The following RIT2 variants were observed in gnomAD, a reference collection of about 807,000 sequenced individuals.
RIT2 encodes the protein Ras like without CAAX 2, also known as GTP-binding protein Rit2.
In RIT2, 24 loss-of-function variants were observed where a neutral mutation model predicts 23.7. That is an observed-to-expected ratio of 1.01 (90% CI 0.73 to 1.43). The LOEUF (loss-of-function observed/expected upper bound fraction) is 1.43, where lower values mean the gene tolerates loss of function less well. RIT2 is among the 40% of genes most tolerant of loss of function. RIT2 has a pLI of 0.00. For missense variants in RIT2, 236 were observed against 266.9 expected, an observed-to-expected ratio of 0.88 and a Z score of 0.81; for synonymous variants, 107 against 91.1, an observed-to-expected ratio of 1.17 and a Z score of -0.99.
intron 2 of RIT2, among the ~76,000 whole-genome samples, chr18:42,985,125 A>G (rs1441675145): frequency 6.6e-6 from 1 of 152,150 alleles, no homozygotes; most frequent in Admixed American, 6.5e-5. Flanking sequence ...ATTTGTGAGT[A>G]TAAGAAACAA....
chr18:43,049,972 CTTTTTTTTTTTTTTTTTTTTT>C (rs755291383), intron 1 of RIT2, among the ~76,000 whole-genome samples: 1 of 66,014 alleles, frequency 1.5e-5, no homozygotes, highest in Non-Finnish European at 2.6e-5. Context: ...AAGGGATTTC[CTTTTTTTTTTTTTTTTTTTTT>C]TTTTTTTTAA....
intron 1 of RIT2, among the ~76,000 whole-genome samples, chr18:43,105,490 G>GAAGGGAGGAAGAGAGGAATGGAGGAAGGA (rs1568083814): frequency 8.5e-6 from 1 of 118,240 alleles, no homozygotes; most frequent in South Asian, 3.3e-4. Context: ...GGGAGGAAGG[G>GAAGGGAGGAAGAGAGGAATGGAGGAAGGA]AGGAAGAAAG....
chr18:43,010,419 C>G (rs1213315804), intron 2 of RIT2, among the ~76,000 whole-genome samples: 1 of 151,766 alleles, frequency 6.6e-6, no homozygotes, highest in African/African-American at 2.4e-5. Context: ...AATATCCAGG[C>G]ATAATATGAA....
chr18:43,058,383 G>A (rs2144319065), intron 1 of RIT2, among the ~76,000 whole-genome samples: 1 of 152,044 alleles, frequency 6.6e-6, no homozygotes, highest in South Asian at 2.1e-4. Context: ...GATTCACCCG[G>A]GAGCTTGCAA....
At chr18:42,857,798 G>A (rs760202203) in intron 4 of RIT2, among the ~76,000 whole-genome samples, 17 of 152,164 alleles carry the variant, frequency 1.1e-4, no homozygotes, top group East Asian at 5.8e-4. Flanking sequence ...AGTGATTTAC[G>A]GAGGGAATTA....
chr18:42,957,215 T>C (rs538912229), intron 3 of RIT2, among the ~76,000 whole-genome samples: 40 of 152,348 alleles, frequency 2.6e-4, no homozygotes, highest in African/African-American at 9.6e-4. Flanking sequence ...CAAATGGAGT[T>C]ATATTTTTGC....
chr18:42,855,711 A>C (rs1907162711), intron 4 of RIT2, among the ~76,000 whole-genome samples: 1 of 152,228 alleles, frequency 6.6e-6, no homozygotes, highest in South Asian at 2.1e-4. Context: ...ATTTTAGATA[A>C]TAGTTACAGA....
intron 1 of RIT2, among the ~76,000 whole-genome samples, chr18:43,111,217 TG>T (rs1470056819): frequency 2.0e-5 from 3 of 152,170 alleles, no homozygotes; most frequent in African/African-American, 7.2e-5. Flanking sequence ...AAACTTTGCA[TG>T]GTCTCATTCA....
chr18:43,112,663 G>T (rs540453248), intron 1 of RIT2, among the ~76,000 whole-genome samples: 3 of 152,138 alleles, frequency 2.0e-5, no homozygotes, highest in Admixed American at 6.5e-5. Flanking sequence ...CAGCACTTTG[G>T]GGGGCTGAGG....
chr18:43,013,936 C>T (rs969257828), intron 2 of RIT2, among the ~76,000 whole-genome samples: 16 of 151,752 alleles, frequency 1.1e-4, no homozygotes, highest in African/African-American at 3.1e-4. Flanking sequence ...AGTCATTAAG[C>T]TTCTCTTAAG....
At chr18:43,005,602 T>C (rs1271659780) in intron 2 of RIT2, among the ~76,000 whole-genome samples, 1 of 151,640 alleles carries the variant, frequency 6.6e-6, no homozygotes, top group Non-Finnish European at 1.5e-5. Context: ...TTAGAAGAAG[T>C]GAAAATAGAT....
intron 2 of RIT2, among the ~76,000 whole-genome samples, chr18:42,975,596 T>C (rs756838584): frequency 6.6e-6 from 1 of 152,012 alleles, no homozygotes; most frequent in Non-Finnish European, 1.5e-5. Flanking sequence ...AGGCCAAATT[T>C]TAATATAGCT....
chr18:43,021,430 G>A (rs1315588810), intron 2 of RIT2, among the ~76,000 whole-genome samples: 3 of 152,036 alleles, frequency 2.0e-5, no homozygotes, highest in East Asian at 3.9e-4. Context: ...ACACACTGAT[G>A]GTGAAAATGT....
intron 2 of RIT2, among the ~76,000 whole-genome samples, chr18:43,011,052 T>G (rs1598747204): frequency 6.6e-6 from 1 of 151,706 alleles, no homozygotes; most frequent in African/African-American, 2.4e-5. Context: ...TACAGAAAAT[T>G]TTATAAAGGT....
intron 4 of RIT2, among the ~76,000 whole-genome samples, chr18:42,827,352 A>C (rs2144002134): frequency 6.6e-6 from 1 of 152,322 alleles, no homozygotes; most frequent in South Asian, 2.1e-4. Flanking sequence ...ACTGTAAATT[A>C]ATTATTAGGA....
At chr18:42,918,856 C>T (rs577274376) in intron 4 of RIT2, among the ~76,000 whole-genome samples, 4 of 152,214 alleles carry the variant, frequency 2.6e-5, no homozygotes, top group Non-Finnish European at 4.4e-5. Flanking sequence ...CTAAAATAAC[C>T]GTCACCATTC....
At chr18:42,904,372 T>C (rs1003433403) in intron 4 of RIT2, among the ~76,000 whole-genome samples, 1 of 151,988 alleles carries the variant, frequency 6.6e-6, no homozygotes, top group Non-Finnish European at 1.5e-5. Context: ...TGGAATAGGG[T>C]CCCATAAGTC....
At chr18:42,775,874 CACACACAG>C (rs1364423370) in intron 4 of RIT2, among the ~76,000 whole-genome samples, 1 of 151,676 alleles carries the variant, frequency 6.6e-6, no homozygotes, top group Non-Finnish European at 1.5e-5. Flanking sequence ...CACACACACA[CACACACAG>C]AGATGTAAAT....
chr18:42,824,477 G>T (rs1281605025), intron 4 of RIT2, among the ~76,000 whole-genome samples: 1 of 151,970 alleles, frequency 6.6e-6, no homozygotes, highest in Non-Finnish European at 1.5e-5. Flanking sequence ...AATTGCAACA[G>T]TATGCACAAG....
Sources: gnomAD v4.1 joint callset for allele counts (sites outside exome capture counted in the v4.1 genomes callset) on GRCh38, gnomAD v4.1.1 for gene constraint, MANE v1.5 for transcripts, NCBI Gene and HGNC (gene_info 2026-07-23, HGNC 2026-07-21) for gene names.